RALGPS1: variants seen among roughly 807,000 people sequenced by gnomAD.
The protein encoded by RALGPS1 is Ral GEF with PH domain and SH3 binding motif 1, also known as ras-specific guanine nucleotide-releasing factor RalGPS1.
Under a neutral mutation model 78.8 loss-of-function variants are expected in RALGPS1, and 19 were observed. That is an observed-to-expected ratio of 0.24 (90% CI 0.17 to 0.35). The LOEUF is 0.35. Among genes scored for constraint, RALGPS1 ranks in the 10% least tolerant of loss-of-function variants. The probability of loss-of-function intolerance (pLI) is 1.00; values close to 1 mark genes in which losing one functional copy is unlikely to be tolerated. For missense variants in RALGPS1, 454 were observed against 688.3 expected, an observed-to-expected ratio of 0.66 and a Z score of 3.81; for synonymous variants, 228 against 256.3, an observed-to-expected ratio of 0.89 and a Z score of 1.06.
chr9:127,177,628 G>A (rs1231990579), intron 11 of RALGPS1, among the ~76,000 whole-genome samples: 5 of 152,208 alleles, frequency 3.3e-5, no homozygotes, highest in Admixed American at 1.3e-4. Flanking sequence ...ACTGGCTCCC[G>A]CTGCTAGGGG....
chr9:127,044,754 C>T (rs1462999224), intron 5 of RALGPS1, among the ~76,000 whole-genome samples: 1 of 151,980 alleles, frequency 6.6e-6, no homozygotes, highest in South Asian at 2.1e-4. Flanking sequence ...TCTAATAGTC[C>T]CCAGTGTGTG....
At chr9:127,215,178 C>T (rs988244384) in intron 18 of RALGPS1, among the ~76,000 whole-genome samples, 2 of 152,240 alleles carry the variant, frequency 1.3e-5, no homozygotes, top group African/African-American at 4.8e-5. Context: ...CTGCCAAGAG[C>T]TGACTTCATG....
rs902323738 is a variant in RALGPS1 at position 127,122,308 on chromosome 9, C to T, written c.611-43761C>T. The stretch of plus-strand genomic sequence containing the variant: ...TGCCTCTCATGGCCGCAGAGCTGGC[C>T]CCTTACCTCTTCCCTCCTGCTTGGC... On this transcript the variant is annotated intron_variant, in intron 8 of 18. Coordinates refer to ENST00000259351, the MANE Select transcript of RALGPS1 (RefSeq NM_014636.3). The surrounding 1 kb of genome is among the most constrained non-coding windows in gnomAD (Gnocchi z 6.4). 6.6e-6 allele frequency: 1 copy of T among 152,496 alleles called. No homozygotes were observed. Among genetic ancestry groups the T allele is most frequent in the African/African-American group, 2.4e-5 (1 of 41,448 alleles). 9.4% of individuals were successfully genotyped at this position (152,496 alleles called of 1,614,324 possible).
At chr9:127,217,301 A>G (rs1017139638) in intron 18 of RALGPS1, 2 of 1,092,522 alleles carry the variant, frequency 1.8e-6, no homozygotes, top group Non-Finnish European at 2.2e-6. Context: ...AAATATTCCC[A>G]CTATGTGCTA....
chr9:126,948,172 C>A (rs1351310302), intron 1 of RALGPS1, among the ~76,000 whole-genome samples: 2 of 152,054 alleles, frequency 1.3e-5, no homozygotes, highest in African/African-American at 4.8e-5. Flanking sequence ...ATATTTTATA[C>A]CTTTTTATCC....
chr9:127,098,956 C>G (rs1474316704), intron 8 of RALGPS1, among the ~76,000 whole-genome samples: 1 of 152,240 alleles, frequency 6.6e-6, no homozygotes, highest in Non-Finnish European at 1.5e-5. Context: ...TGCAGTGCCC[C>G]TCTTACTAGG....
chr9:126,989,176 A>G (rs1011446985), intron 4 of RALGPS1, among the ~76,000 whole-genome samples: 2 of 152,194 alleles, frequency 1.3e-5, no homozygotes, highest in African/African-American at 2.4e-5. Context: ...GAGGGAAGCC[A>G]GGAAATAATG....
At chr9:127,007,685 A>G (rs991453462) in intron 4 of RALGPS1, among the ~76,000 whole-genome samples, 1 of 152,226 alleles carries the variant, frequency 6.6e-6, no homozygotes, top group African/African-American at 2.4e-5. Flanking sequence ...GGGAGGGCAG[A>G]GAACTGAAAG....
Position 127,127,545 on chromosome 9 carries a change from A to G in RALGPS1, c.611-38524A>G, listed in dbSNP as rs116972901. ...TGATCATAGTCTGTTGGGAAATGTC[A>G]ACCCCAAGATCCCAGGTTGGTACAT... On this transcript the variant is annotated intron_variant, in intron 8 of 18. Transcript: ENST00000259351. 5.4e-3 allele frequency among the ~76,000 whole-genome samples: 825 copies of G among 152,230 alleles called. 24 individuals are homozygous for G. The East Asian group carries it at 0.086, about 16-fold the overall frequency.
intron 1 of RALGPS1, among the ~76,000 whole-genome samples, chr9:126,915,765 C>T (rs1039402171): frequency 1.5e-5 from 2 of 131,700 alleles, no homozygotes; most frequent in African/African-American, 5.8e-5. Flanking sequence ...ATTGAAGGGG[C>T]TTGCCAGGAT....
At chr9:126,993,181 G>A (rs970985196) in intron 4 of RALGPS1, among the ~76,000 whole-genome samples, 2 of 152,074 alleles carry the variant, frequency 1.3e-5, no homozygotes, top group East Asian at 3.8e-4. Context: ...TACATTGATC[G>A]ATTTTTGACT....
At chr9:127,213,131 A>G in intron 17 of RALGPS1, 82 bp downstream of exon 17, 1 of 1,573,150 alleles carries the variant, frequency 6.4e-7, no homozygotes, top group East Asian at 2.3e-5. Flanking sequence ...TGAAATTATT[A>G]GGAGCTTTTG....
chr9:127,070,116 G>C (rs2050064446), intron 8 of RALGPS1: 1 of 152,166 alleles, frequency 6.6e-6, no homozygotes, highest in South Asian at 2.1e-4. Context: ...TCAGGATGAA[G>C]CTGTTCCACC....
At chr9:127,052,780 C>T in intron 6 of RALGPS1, 67 bp from the exon 7 acceptor site, 1 of 968,186 alleles carries the variant, frequency 1.0e-6, no homozygotes, top group Non-Finnish European at 1.6e-6. Context: ...CATTTGGTAA[C>T]ACTTGAGCAT....
intron 14 of RALGPS1, among the ~76,000 whole-genome samples, chr9:127,203,552 C>G (rs1564788938): frequency 1.3e-5 from 2 of 151,934 alleles, no homozygotes; most frequent in Admixed American, 6.6e-5. Flanking sequence ...TGAGAGGAGG[C>G]CCCTGTAGTG....
chr9:127,120,766 T>C (rs1413112310), intron 8 of RALGPS1, among the ~76,000 whole-genome samples: 1 of 151,306 alleles, frequency 6.6e-6, no homozygotes, highest in African/African-American at 2.4e-5. Context: ...AGGCGGAGTT[T>C]GCAGTGAGCC....
At chr9:126,969,056 A>G (rs1178837506) in intron 3 of RALGPS1, among the ~76,000 whole-genome samples, 1 of 150,506 alleles carries the variant, frequency 6.6e-6, no homozygotes, top group Non-Finnish European at 1.5e-5. Flanking sequence ...CTCAAAAAAG[A>G]AAAAAAAAAT....
intron 11 of RALGPS1, 23 bp downstream of exon 11, chr9:127,174,805 G>T: frequency 6.2e-7 from 1 of 1,609,816 alleles, no homozygotes; most frequent in Non-Finnish European, 8.5e-7. Flanking sequence ...CCTCGAGTGG[G>T]AGCAAACCCA....
In RALGPS1 at chr9:126,958,270, GCTT is replaced by G. The variant is rs550453470; in HGVS notation, c.-65-3951_-65-3949del. ...ACCATCATGAAACAGAGCTGAAGGT[GCTT>G]CTTTTATTGCAGTATAATTTATATT... is the stretch of plus-strand genomic sequence containing the variant. On this transcript the variant is annotated intron_variant, in intron 1 of 18. Transcript: ENST00000259351. Among the ~76,000 whole-genome samples, 30 of 151,618 alleles carry G rather than the reference GCTT, an allele frequency of 2.0e-4. No individual in the cohort carries two copies. The East Asian group carries it at 5.8e-3, about 29-fold the overall frequency.
Sources: gnomAD v4.1 joint callset for allele counts (sites outside exome capture counted in the v4.1 genomes callset) on GRCh38, gnomAD v4.1.1 for gene constraint, Gnocchi (gnomAD v3.1) non-coding constraint, MANE v1.5 for transcripts, NCBI Gene and HGNC (gene_info 2026-07-23, HGNC 2026-07-21) for gene names.